MDGA2: variants seen among roughly 807,000 people sequenced by gnomAD.
MDGA2 encodes the protein MAM domain-containing glycosylphosphatidylinositol anchor protein 2.
Under a neutral mutation model 117.8 loss-of-function variants are expected in MDGA2, and 40 were observed. That is an observed-to-expected ratio of 0.34 (90% CI 0.26 to 0.44). MDGA2 has a LOEUF of 0.44. Ranked by LOEUF, MDGA2 falls within the 20% of genes least tolerant of loss-of-function variation. The pLI, the probability that MDGA2 is intolerant of heterozygous loss-of-function variation, is 1.00. For synonymous variants in MDGA2, 452 were observed against 439.0 expected (o/e 1.03, Z -0.37); for missense variants, 1,123 against 1,250.6 (o/e 0.90, Z 1.54).
chr14:47,035,027 C>T lies in MDGA2; in HGVS notation c.1803G>A (p.Val601=). ...TTTACTTACACTGAACGATGAGCTG[C>T]ACCAAGGCTTCCCTTGGTTTCACGT... ...GFNVKPREAL[V]QLIVQYPPAV... The change falls in exon 8 of 17, where the codon GTG becomes GTA. Residue 601 remains valine, a synonymous_variant. Transcript: ENST00000399232. 1 of 1,613,050 alleles carries T rather than the reference C, an allele frequency of 6.2e-7. No homozygotes were observed. The highest frequency in any genetic ancestry group is 8.5e-7 in the Non-Finnish European group (1 of 1,179,412).
intron 3 of MDGA2, among the ~76,000 whole-genome samples, chr14:47,203,953 G>T (rs967727610): frequency 1.3e-5 from 2 of 151,964 alleles, no homozygotes; most frequent in Non-Finnish European, 2.9e-5. Flanking sequence ...GGTAAAAGAG[G>T]TGGTGAGATC....
intron 8 of MDGA2, among the ~76,000 whole-genome samples, chr14:47,019,053 TTTA>T (rs1888189919): frequency 6.6e-6 from 1 of 152,180 alleles, no homozygotes. Context: ...AGCAGAGAAA[TTTA>T]TTGACTGAAT....
chr14:47,213,424 G>A (rs370630635), intron 3 of MDGA2, among the ~76,000 whole-genome samples: 120 of 152,130 alleles, frequency 7.9e-4, no homozygotes, highest in African/African-American at 2.7e-3. Flanking sequence ...GTGCATTGAA[G>A]ATTTATTTCA....
intron 1 of MDGA2, among the ~76,000 whole-genome samples, chr14:47,634,683 T>C (rs973030688): frequency 9.2e-5 from 14 of 152,112 alleles, no homozygotes; most frequent in Non-Finnish European, 1.9e-4. Context: ...TTAGTTAGAC[T>C]GATTGATCTT....
intron 4 of MDGA2, among the ~76,000 whole-genome samples, chr14:47,133,089 T>C (rs1015786320): frequency 6.6e-6 from 1 of 151,008 alleles, no homozygotes; most frequent in African/African-American, 2.4e-5. Flanking sequence ...GTCACCCCTT[T>C]AGCATTTTCC....
intron 2 of MDGA2, among the ~76,000 whole-genome samples, chr14:47,283,788 T>C (rs569413865): frequency 1.4e-4 from 22 of 152,318 alleles, no homozygotes; most frequent in African/African-American, 4.3e-4. Flanking sequence ...TTCCTTTCTA[T>C]AGTCGTTTTA....
At chr14:47,372,967 TG>T (rs1165839830) in intron 1 of MDGA2, among the ~76,000 whole-genome samples, 1 of 151,984 alleles carries the variant, frequency 6.6e-6, no homozygotes, top group African/African-American at 2.4e-5. Context: ...AAAAAAAATT[TG>T]TATTGTAGAA....
At chr14:46,976,477 A>G (rs941585409) in intron 8 of MDGA2, among the ~76,000 whole-genome samples, 1 of 151,998 alleles carries the variant, frequency 6.6e-6, no homozygotes. Flanking sequence ...ATAAGAAAAC[A>G]GCTTGGTTAG....
chr14:47,185,438 G>A (rs1432888173), intron 3 of MDGA2, among the ~76,000 whole-genome samples: 1 of 151,462 alleles, frequency 6.6e-6, no homozygotes, highest in Non-Finnish European at 1.5e-5. Flanking sequence ...AGGTCAGAAA[G>A]TTTAAGCAAT....
chr14:47,211,952 T>G (rs1000960120), intron 3 of MDGA2, among the ~76,000 whole-genome samples: 4 of 152,186 alleles, frequency 2.6e-5, no homozygotes, highest in Non-Finnish European at 5.9e-5. Context: ...CTTAAGTAGT[T>G]TAAACCCATT....
chr14:47,014,434 AC>A (rs750587775), intron 8 of MDGA2, among the ~76,000 whole-genome samples: 5 of 152,172 alleles, frequency 3.3e-5, no homozygotes, highest in Non-Finnish European at 4.4e-5. Context: ...AATCCTACTG[AC>A]ATTTTCTTTC....
intron 4 of MDGA2, 45 bp downstream of exon 4, chr14:47,144,033 G>T (rs1882833551): frequency 7.4e-7 from 1 of 1,354,804 alleles, no homozygotes. Flanking sequence ...AATTAGGAAA[G>T]TATCCTAGCA....
At chr14:47,411,186 T>A (rs886599235) in intron 1 of MDGA2, among the ~76,000 whole-genome samples, 3 of 152,124 alleles carry the variant, frequency 2.0e-5, no homozygotes, top group African/African-American at 7.2e-5. Flanking sequence ...TATGAATTGA[T>A]CCCCTTATAA....
rs535316095 is a variant in MDGA2 at position 47,073,723 on chromosome 14, G to A, written c.1196-12145C>T. Among the ~76,000 whole-genome samples, 16 of 152,274 alleles carry A rather than the reference G, an allele frequency of 1.1e-4. No individual in the cohort carries two copies. The Middle Eastern group carries it at 0.01, about 97-fold the overall frequency. ...CTGAGAATTCGGGGATAAAAGGAAG[G>A]CAGACAGTTAAAGATGCTGAAAGGT... On this transcript the variant is annotated intron_variant, in intron 6 of 16. Coordinates refer to ENST00000399232, the MANE Select transcript of MDGA2 (RefSeq NM_001113498.3).
chr14:47,081,421 T>C (rs1434117887), intron 6 of MDGA2, among the ~76,000 whole-genome samples: 3 of 152,114 alleles, frequency 2.0e-5, no homozygotes, highest in Non-Finnish European at 4.4e-5. Flanking sequence ...CAAAACTATT[T>C]TTGTAAAACA....
At chr14:47,219,660 T>C (rs745590879) in intron 2 of MDGA2, among the ~76,000 whole-genome samples, 1 of 151,924 alleles carries the variant, frequency 6.6e-6, no homozygotes, top group South Asian at 2.1e-4. Flanking sequence ...AACTGTAACA[T>C]TGGAAATGAT....
intron 10 of MDGA2, among the ~76,000 whole-genome samples, chr14:46,892,093 T>C (rs1202339099): frequency 6.6e-6 from 1 of 151,788 alleles, no homozygotes; most frequent in Non-Finnish European, 1.5e-5. Flanking sequence ...AATAAGCTTA[T>C]TTAAAGAAAA....
At position 47,637,831 on chromosome 14, in the gene MDGA2, A is replaced by G. The variant is rs534627266; in HGVS notation, c.280+36686T>C. On this transcript the variant is annotated intron_variant, in intron 1 of 16. Transcript: ENST00000399232. The stretch of plus-strand genomic sequence containing the variant: ...TCATTTCATTGTTCTTCTTGGATGA[A>G]CTTTCATGCTAATTGCACAGCTCTG... Among the ~76,000 whole-genome samples, 3 of 152,184 alleles carry G rather than the reference A, an allele frequency of 2.0e-5. No individual in the cohort carries two copies. The South Asian group carries it at 6.2e-4, about 31-fold the overall frequency.
In MDGA2 at chr14:47,561,171, G is replaced by GTTTTTTTTTTTTTTTTTTTTTTTTTTTT. The variant is rs1594918273; in HGVS notation, c.280+113345_280+113346insAAAAAAAAAAAAAAAAAAAAAAAAAAAA. Among the ~76,000 whole-genome samples the GTTTTTTTTTTTTTTTTTTTTTTTTTTTT allele has an allele frequency of 1.9e-4, 13 of 68,470 alleles. 1 individual carries two copies. Among genetic ancestry groups the GTTTTTTTTTTTTTTTTTTTTTTTTTTTT allele is most frequent in the East Asian group, 9.9e-4 (1 of 1,006 alleles). The allele number at this position is 68,470 out of a possible 152,430, so 44.9% of individuals were successfully genotyped here. ...TTTTTTTGTTTTGTTTTGTTTTTTT[G>GTTTTTTTTTTTTTTTTTTTTTTTTTTTT]TTTGTTTGTTTTTTTTTGCTTAGGA... On this transcript the variant is annotated intron_variant, in intron 1 of 16. Coordinates refer to ENST00000399232, the MANE Select transcript of MDGA2 (RefSeq NM_001113498.3).
Sources: allele counts gnomAD v4.1 joint callset (sites outside exome capture counted in the v4.1 genomes callset), GRCh38; gene constraint gnomAD v4.1.1; transcripts MANE v1.5; gene names NCBI Gene and HGNC (gene_info 2026-07-23, HGNC 2026-07-21).